Variants in ADAMTS9 observed in about 807,000 individuals in gnomAD.
ADAMTS9 encodes ADAM metallopeptidase with thrombospondin type 1 motif 9.
Under a neutral mutation model 257.1 loss-of-function variants are expected in ADAMTS9, and 107 were observed. The ratio of observed to expected loss-of-function variants is 0.42; its 90% CI spans 0.36 to 0.49. ADAMTS9 has a LOEUF of 0.49. ADAMTS9 is among the 20% of genes least tolerant of loss of function. The pLI is 0.03. For synonymous variants in ADAMTS9, 982 were observed against 880.9 expected (o/e 1.11, Z -2.03); for missense variants, 2,353 against 2,469.1 (o/e 0.95, Z 1.00).
intron 28 of ADAMTS9, among the ~76,000 whole-genome samples, chr3:64,572,807 C>T (rs930982547): frequency 1.4e-4 from 21 of 151,848 alleles, no homozygotes; most frequent in African/African-American, 4.6e-4. Context: ...CGGCCGGGTG[C>T]GGTGGCTCAC....
intron 30 of ADAMTS9, 143 bp downstream of exon 30, chr3:64,561,435 G>A: frequency 3.5e-6 from 3 of 867,912 alleles, no homozygotes; most frequent in Non-Finnish European, 5.1e-6. Flanking sequence ...GAATGCGCGA[G>A]TCTGACAGTG....
At chr3:64,670,712 T>C (rs1701465903) in intron 3 of ADAMTS9, among the ~76,000 whole-genome samples, 1 of 152,222 alleles carries the variant, frequency 6.6e-6, no homozygotes, top group South Asian at 2.1e-4. Flanking sequence ...CTGAAAGACT[T>C]GAACAGACGC....
intron 37 of ADAMTS9, among the ~76,000 whole-genome samples, chr3:64,534,418 G>T (rs920712222): frequency 1.3e-5 from 2 of 152,200 alleles, no homozygotes; most frequent in Non-Finnish European, 2.9e-5. Context: ...TAATTGTTTT[G>T]TAAGTGTTCG....
chr3:64,559,650 A>T (rs2083387312), intron 30 of ADAMTS9, among the ~76,000 whole-genome samples: 1 of 152,252 alleles, frequency 6.6e-6, no homozygotes, highest in South Asian at 2.1e-4. Flanking sequence ...TTTAAAAAAG[A>T]TCCATCTGCA....
rs1005723035 is a variant in ADAMTS9 at position 64,616,904 on chromosome 3, A to G, written c.2814-734T>C. Among the ~76,000 whole-genome samples, 12 of 152,252 alleles carry G rather than the reference A, an allele frequency of 7.9e-5. 1 individual carries two copies. Among genetic ancestry groups the G allele is most frequent in the Admixed American group, 7.2e-4 (11 of 15,300 alleles). On this transcript the variant is annotated intron_variant, in intron 19 of 39. Coordinates refer to ENST00000498707, the MANE Select transcript of ADAMTS9 (RefSeq NM_182920.2). Reference sequence around the variant, plus strand: ...AAATTGTGTGGTTTGTTGGTTACCAATGTCCTGAGACTACTTCCATGTGTA... The same window carrying G: ...AAATTGTGTGGTTTGTTGGTTACCAGTGTCCTGAGACTACTTCCATGTGTA...
chr3:64,536,937 A>G (rs1260406984), intron 37 of ADAMTS9, among the ~76,000 whole-genome samples: 2 of 152,224 alleles, frequency 1.3e-5, no homozygotes, highest in Admixed American at 6.5e-5. Context: ...AGAAATTCTC[A>G]AACACAACAT....
chr3:64,604,204 A>G, intron 24 of ADAMTS9, 23 bp downstream of exon 24: 10 of 1,605,876 alleles, frequency 6.2e-6, no homozygotes, highest in Non-Finnish European at 8.5e-6. Flanking sequence ...TGCCCTCCCC[A>G]TTTCTCCCAG....
chr3:64,589,442 C>T (rs888923707), intron 28 of ADAMTS9: 8 of 152,314 alleles, frequency 5.3e-5, no homozygotes, highest in Middle Eastern at 3.4e-3. Flanking sequence ...ACGACAAGGT[C>T]CTATCACTGA....
At chr3:64,681,132 C>T (rs1335737375) in intron 3 of ADAMTS9, 69 bp downstream of exon 3, 1 of 1,513,326 alleles carries the variant, frequency 6.6e-7, no homozygotes, top group East Asian at 2.3e-5. Flanking sequence ...AAGAGAGCTA[C>T]ATCTCTGTAG....
Position 64,594,409 on chromosome 3 carries a change from A to T in ADAMTS9, c.4205T>A (p.Ile1402Lys). 6.2e-7 allele frequency: 1 copy of T among 1,614,010 alleles called. No individual in the cohort carries two copies. The highest frequency in any genetic ancestry group is 8.5e-7 in the Non-Finnish European group (1 of 1,179,930). ...CTGACAGACCACCAGTCTTGTTCTT[A>T]TGCCTCCACCACACAGCTTAGTGCA... ...GECTKLCGGG[I>K]RTRLVVCQRS... Residue 1402 changes from isoleucine to lysine, a missense_variant, in exon 28 of 40, where the codon ATA (isoleucine) becomes AAA (lysine). Ile to Lys is a moderately radical substitution (Grantham distance 102, BLOSUM62 -3). Transcript: ENST00000498707.
chr3:64,520,543 C>T (rs1224614755), intron 39 of ADAMTS9, among the ~76,000 whole-genome samples: 1 of 152,074 alleles, frequency 6.6e-6, no homozygotes, highest in Non-Finnish European at 1.5e-5. Flanking sequence ...TCAAACTCTA[C>T]TCCAAGGCAG....
chr3:64,560,519 G>C (rs985497309), intron 30 of ADAMTS9, among the ~76,000 whole-genome samples: 5 of 152,186 alleles, frequency 3.3e-5, no homozygotes, highest in Non-Finnish European at 7.3e-5. Context: ...AGCTTAGCAT[G>C]AAGTCTTGCT....
At chr3:64,606,936 C>A (rs769211718) in intron 23 of ADAMTS9, 24 bp downstream of exon 23, 1 of 1,612,390 alleles carries the variant, frequency 6.2e-7, no homozygotes, top group Non-Finnish European at 8.5e-7. Flanking sequence ...AAGTCAATAA[C>A]TGAGTTGGAC....
chr3:64,544,313 C>A (rs1278817258), intron 32 of ADAMTS9, among the ~76,000 whole-genome samples: 1 of 152,156 alleles, frequency 6.6e-6, no homozygotes, highest in African/African-American at 2.4e-5. Context: ...CCACGACAAT[C>A]CTAAGCCGAA....
intron 11 of ADAMTS9, among the ~76,000 whole-genome samples, chr3:64,645,948 T>A (rs1486980159): frequency 6.6e-6 from 1 of 152,220 alleles, no homozygotes; most frequent in Admixed American, 6.5e-5. Context: ...ATAATTGACA[T>A]CCTCCAAGTT....
intron 16 of ADAMTS9, among the ~76,000 whole-genome samples, chr3:64,628,786 T>A (rs1173733143): frequency 1.3e-5 from 2 of 152,190 alleles, no homozygotes; most frequent in South Asian, 4.1e-4. Flanking sequence ...CAGTAGGTAG[T>A]CATTAAAGAC....
intron 39 of ADAMTS9, among the ~76,000 whole-genome samples, chr3:64,521,954 C>G (rs2082857388): frequency 6.6e-6 from 1 of 152,168 alleles, no homozygotes; most frequent in Non-Finnish European, 1.5e-5. Flanking sequence ...AATAGGCCAG[C>G]TCTGTAGAGG....
chr3:64,541,482 C>T, intron 34 of ADAMTS9, 44 bp downstream of exon 34: 1 of 1,607,590 alleles, frequency 6.2e-7, no homozygotes, highest in Non-Finnish European at 8.5e-7. Context: ...TGATCACTCA[C>T]TCTAAAAACA....
At chr3:64,555,029 A>G (rs1043296794) in intron 30 of ADAMTS9, among the ~76,000 whole-genome samples, 19 of 152,178 alleles carry the variant, frequency 1.2e-4, no homozygotes, top group Admixed American at 1.2e-3. Flanking sequence ...ACCGCTTGAG[A>G]GTCACAGGCT....
Sources: allele counts gnomAD v4.1 joint callset (sites outside exome capture counted in the v4.1 genomes callset), GRCh38; gene constraint gnomAD v4.1.1; transcripts MANE v1.5; gene names NCBI Gene and HGNC (gene_info 2026-07-23, HGNC 2026-07-21).